NTRK1: variants seen among roughly 807,000 people sequenced by gnomAD.
NTRK1 encodes the protein neurotrophic receptor tyrosine kinase 1.
Under a neutral mutation model 86.8 loss-of-function variants are expected in NTRK1, and 62 were observed. The ratio of observed to expected loss-of-function variants is 0.71; its 90% CI spans 0.58 to 0.88. The LOEUF is 0.88. Ranked by LOEUF, NTRK1 falls within the 40% of genes least tolerant of loss-of-function variation. NTRK1 has a pLI of 0.00. For missense variants in NTRK1, 967 were observed against 1,078.4 expected, an observed-to-expected ratio of 0.90 and a Z score of 1.45; for synonymous variants, 469 against 456.6, an observed-to-expected ratio of 1.03 and a Z score of -0.35.
intron 7 of NTRK1, among the ~76,000 whole-genome samples, chr1:156,872,703 T>C (rs963505531): frequency 1.4e-5 from 2 of 147,774 alleles, no homozygotes; most frequent in Non-Finnish European, 3.0e-5. Context: ...TGAGATGGAG[T>C]CTCGCTCTGT....
At chr1:156,851,200 G>T in intron 2 of NTRK1, 3 of 1,468,234 alleles carry the variant, frequency 2.0e-6, no homozygotes, top group South Asian at 1.1e-5. Context: ...TAGCAAAATT[G>T]GTTCCAGAGC....
chr1:156,842,950 C>T (rs1654852041), intron 2 of NTRK1: 4 of 1,386,898 alleles, frequency 2.9e-6, no homozygotes, highest in South Asian at 1.2e-5. Context: ...TCTTTCTTAC[C>T]ACATGACCTT....
chr1:156,876,810 C>T (rs1218341745), intron 14 of NTRK1, among the ~76,000 whole-genome samples: 5 of 151,960 alleles, frequency 3.3e-5, no homozygotes, highest in African/African-American at 7.3e-5. Context: ...TGGCAAAGGC[C>T]GTGAGCTAAA....
chr1:156,844,877 A>G (rs746051874), intron 2 of NTRK1: 65 of 1,612,286 alleles, frequency 4.0e-5, no homozygotes, highest in Non-Finnish European at 5.4e-5. Context: ...CCGGGCCAAA[A>G]GTGGTTCATC....
rs781419605 is a variant in NTRK1, at chr1:156,868,221, C to T, written c.546C>T (p.Pro182=). 1 of 1,611,898 alleles carries T rather than the reference C, an allele frequency of 6.2e-7. No individual in the cohort carries two copies. The highest frequency in any genetic ancestry group is 8.5e-7 in the Non-Finnish European group (1 of 1,180,040). ...EQKLQCHGQG[P]LAHMPNASCG... ...AGCTGCAGTGTCATGGGCAAGGGCC[C>T]CTGGCCCACATGCCCAATGCCAGCT... Residue 182 remains proline (P), a synonymous_variant, in exon 5 of 17, where the codon CCC becomes CCT. Coordinates refer to ENST00000524377, the MANE Select transcript of NTRK1 (RefSeq NM_002529.4).
intron 2 of NTRK1, chr1:156,852,323 A>C: frequency 1.1e-6 from 1 of 879,936 alleles, no homozygotes; most frequent in Non-Finnish European, 1.7e-6. Context: ...TTCAGATGAC[A>C]CTGGTTGCCG....
At chr1:156,845,236 A>T (rs1354617256) in intron 2 of NTRK1, 2 of 1,610,706 alleles carry the variant, frequency 1.2e-6, no homozygotes, top group South Asian at 1.1e-5. Flanking sequence ...GGATCTCGAA[A>T]TCCGAGCTGT....
chr1:156,842,404 C>T (rs747915066), intron 2 of NTRK1: 2 of 1,613,986 alleles, frequency 1.2e-6, no homozygotes, highest in Non-Finnish European at 1.7e-6. Flanking sequence ...CTACCTCTGC[C>T]TCAGGCCGCA....
At chr1:156,858,990 G>C (rs1024468157), upstream of NTRK1, 1 of 234,988 alleles carries the variant, frequency 4.3e-6, no homozygotes, top group Non-Finnish European at 8.6e-6. Flanking sequence ...CAGCAGGCTG[G>C]GGACCGCTCC....
chr1:156,880,329 T>G, intron 16 of NTRK1, 172 bp downstream of exon 16: 1 of 679,030 alleles, frequency 1.5e-6, no homozygotes, highest in Non-Finnish European at 2.5e-6. Context: ...TTTTCTTCTC[T>G]TCCTCCCTTA....
chr1:156,855,305 G>T (rs1336029820), intron 2 of NTRK1, among the ~76,000 whole-genome samples: 1 of 152,042 alleles, frequency 6.6e-6, no homozygotes, highest in Non-Finnish European at 1.5e-5. Flanking sequence ...CTGAGTTCAA[G>T]TGATTCTCCT....
intron 4 of NTRK1, among the ~76,000 whole-genome samples, chr1:156,867,766 T>C (rs538771836): frequency 3.9e-5 from 6 of 151,936 alleles, no homozygotes; most frequent in East Asian, 1.9e-4. Flanking sequence ...CTCCGCCTCC[T>C]GGGTTCACGC....
intron 1 of NTRK1, among the ~76,000 whole-genome samples, chr1:156,833,063 C>T (rs1654504366): frequency 6.6e-6 from 1 of 152,198 alleles, no homozygotes; most frequent in South Asian, 2.1e-4. Context: ...TCTCCAAAGC[C>T]CTCTTGGCCC....
At chr1:156,873,093 A>G (rs758282597) in intron 7 of NTRK1, among the ~76,000 whole-genome samples, 71 of 147,046 alleles carry the variant, frequency 4.8e-4, no homozygotes, top group Middle Eastern at 3.2e-3. Context: ...CCTGTTGCCC[A>G]GGCTGGAATG....
At chr1:156,880,274 C>A in intron 16 of NTRK1, 117 bp downstream of exon 16, 2 of 1,106,314 alleles carry the variant, frequency 1.8e-6, no homozygotes, top group Non-Finnish European at 2.7e-6. Context: ...GTTGGGGGGC[C>A]CTTTCCAGCG....
intron 11 of NTRK1, 144 bp from the exon 12 acceptor site, chr1:156,875,376 C>T (rs1163463972): frequency 3.6e-6 from 4 of 1,118,142 alleles, no homozygotes; most frequent in South Asian, 2.5e-5. Context: ...GTGCCCCCTT[C>T]CCCCTGCCTG....
chr1:156,818,942 A>C (rs535207300), intron 1 of NTRK1, among the ~76,000 whole-genome samples: 6 of 152,282 alleles, frequency 3.9e-5, no homozygotes, highest in Non-Finnish European at 8.8e-5. Context: ...TCCCACTAGC[A>C]ATGTAAAACT....
At position 156,851,598 on chromosome 1, in the gene NTRK1, G is replaced by A. The variant is rs781270258; in HGVS notation, c.50+9405G>A. ...TCATTGTAAGGGTTGTGTCTGGGAG[G>A]AAGGGTATGACCAGGAGGAGGGGTG... On this transcript the variant is annotated intron_variant, in intron 2 of 16. Transcript: ENST00000392302. 4 of 1,613,372 alleles carry A rather than the reference G, an allele frequency of 2.5e-6. No individual in the cohort carries two copies. In the South Asian group the frequency reaches 4.4e-5, roughly 18 times the overall value.
At chr1:156,874,820 A>G (rs536547934) in intron 10 of NTRK1, 86 bp from the exon 11 acceptor site, 1 of 1,225,688 alleles carries the variant, frequency 8.2e-7, no homozygotes, top group South Asian at 1.2e-5. Flanking sequence ...CCGGGCTCCC[A>G]TGCAGGATGA....
Sources: allele counts gnomAD v4.1 joint callset (sites outside exome capture counted in the v4.1 genomes callset), GRCh38; gene constraint gnomAD v4.1.1; transcripts MANE v1.5; gene names NCBI Gene and HGNC (gene_info 2026-07-23, HGNC 2026-07-21).